Variants in ARHGAP26 observed in about 807,000 individuals in gnomAD.
The protein encoded by ARHGAP26 is Rho GTPase activating protein 26.
A neutral mutation model predicts 104.8 loss-of-function variants in ARHGAP26; 38 were observed. That is an observed-to-expected ratio of 0.36 (90% CI 0.28 to 0.48). The LOEUF is 0.48. Ranked by LOEUF, ARHGAP26 falls within the 20% of genes least tolerant of loss-of-function variation. The pLI is 0.99. For missense variants in ARHGAP26, 704 were observed against 947.9 expected (o/e 0.74, Z 3.38); for synonymous variants, 341 against 340.0 (o/e 1.00, Z -0.03).
intron 17 of ARHGAP26, among the ~76,000 whole-genome samples, chr5:143,100,130 C>T (rs1334900352): frequency 6.6e-6 from 1 of 152,064 alleles, no homozygotes; most frequent in Non-Finnish European, 1.5e-5. Context: ...CCAGGTGAGA[C>T]TAGAGCAAAT....
At chr5:142,856,938 C>T (rs1277302903) in intron 1 of ARHGAP26, among the ~76,000 whole-genome samples, 1 of 152,162 alleles carries the variant, frequency 6.6e-6, no homozygotes, top group Non-Finnish European at 1.5e-5. Context: ...TGTGTTTTCT[C>T]ACAGTTCTGG....
chr5:142,914,244 GGGCTGCTGGA>G (rs1762199756), intron 10 of ARHGAP26, among the ~76,000 whole-genome samples: 1 of 152,204 alleles, frequency 6.6e-6, no homozygotes. Context: ...CAGGCTGCTG[GGGCTGCTGGA>G]GGCTGTTAGG....
At chr5:143,112,899 T>C (rs900183987) in intron 17 of ARHGAP26, among the ~76,000 whole-genome samples, 4 of 152,240 alleles carry the variant, frequency 2.6e-5, no homozygotes, top group Non-Finnish European at 4.4e-5. Flanking sequence ...TTAACTATTG[T>C]GAATAATACT....
At chr5:143,039,223 G>T (rs1024584999) in intron 13 of ARHGAP26, among the ~76,000 whole-genome samples, 1 of 151,668 alleles carries the variant, frequency 6.6e-6, no homozygotes, top group African/African-American at 2.4e-5. Context: ...TTTTTCTTTG[G>T]AGGGGACAGA....
chr5:142,924,915 A>G (rs1289602604), intron 10 of ARHGAP26, among the ~76,000 whole-genome samples: 1 of 152,216 alleles, frequency 6.6e-6, no homozygotes, highest in African/African-American at 2.4e-5. Context: ...ATAGACAGGC[A>G]TCCTTCATTG....
chr5:142,880,047 C>A (rs537224590), intron 4 of ARHGAP26, among the ~76,000 whole-genome samples: 5 of 152,264 alleles, frequency 3.3e-5, no homozygotes, highest in African/African-American at 1.2e-4. Context: ...ACCCATTGTG[C>A]AGGTCAAAAA....
chr5:142,792,342 G>A (rs372301500), intron 1 of ARHGAP26, among the ~76,000 whole-genome samples: 67 of 152,320 alleles, frequency 4.4e-4, no homozygotes, highest in African/African-American at 1.6e-3. Flanking sequence ...TTTTAGGCTT[G>A]CTAAGTAAAA....
At chr5:143,133,899 C>A in intron 18 of ARHGAP26, 68 bp from the exon 19 acceptor site, 1 of 1,462,286 alleles carries the variant, frequency 6.8e-7, no homozygotes, top group East Asian at 2.5e-5. Flanking sequence ...TTCCGTTGTA[C>A]TGCTTCAGGC....
chr5:142,863,065 A>G (rs1397581610), intron 1 of ARHGAP26, among the ~76,000 whole-genome samples: 2 of 152,048 alleles, frequency 1.3e-5, no homozygotes, highest in African/African-American at 4.8e-5. Context: ...GAGGGATCTT[A>G]GAGCTACGGA....
At chr5:143,060,716 GACATTT>G (rs1786577688) in intron 17 of ARHGAP26, among the ~76,000 whole-genome samples, 1 of 151,950 alleles carries the variant, frequency 6.6e-6, no homozygotes, top group East Asian at 1.9e-4. Context: ...TGTTTACATT[GACATTT>G]CTGGGCTCTG....
At chr5:143,165,986 G>A in intron 20 of ARHGAP26, 1 of 1,292,996 alleles carries the variant, frequency 7.7e-7, no homozygotes, top group Non-Finnish European at 1.0e-6. Context: ...CTCAGTAAAA[G>A]TTACCTGCCG....
chr5:142,825,861 A>T (rs1197780308), intron 1 of ARHGAP26, among the ~76,000 whole-genome samples: 2 of 152,206 alleles, frequency 1.3e-5, no homozygotes, highest in Non-Finnish European at 2.9e-5. Context: ...CTCAGAACAC[A>T]GTTCTCGAAT....
Position 143,133,981 on chromosome 5 carries a change from G to T in ARHGAP26, c.1713G>T (p.Val571=). ...TTCGTTTGCAGATATTTAACACCGT[G>T]CCCGATATGCCTCTCACCAATGCCC... The part of the protein sequence containing the change: ...IENHEKIFNT[V]PDMPLTNAQL... Residue 571 remains valine (V), a synonymous_variant, in exon 19 of 23, where the codon GTG becomes GTT. Coordinates refer to ENST00000645722, the MANE Select transcript of ARHGAP26 (RefSeq NM_001135608.3). The T allele has an allele frequency of 6.2e-7, 1 of 1,610,868 alleles. No homozygotes were observed. Among genetic ancestry groups the T allele is most frequent in the South Asian group, 1.1e-5 (1 of 90,300 alleles).
intron 1 of ARHGAP26, among the ~76,000 whole-genome samples, chr5:142,822,829 A>C (rs545746220): frequency 6.6e-6 from 1 of 152,082 alleles, no homozygotes; most frequent in Non-Finnish European, 1.5e-5. Context: ...TGAAGGCTAA[A>C]CCCCATATTA....
chr5:142,793,734 T>A (rs990178833), intron 1 of ARHGAP26, among the ~76,000 whole-genome samples: 1 of 152,062 alleles, frequency 6.6e-6, no homozygotes, highest in Non-Finnish European at 1.5e-5. Context: ...ATTACAGATG[T>A]GCGCCACCAT....
intron 1 of ARHGAP26, among the ~76,000 whole-genome samples, chr5:142,831,375 G>C (rs548158951): frequency 5.3e-5 from 8 of 151,346 alleles, no homozygotes; most frequent in African/African-American, 1.9e-4. Context: ...TTTGCTCTTT[G>C]GTCTCCTTTT....
chr5:143,215,922 G>C (rs1032145064), intron 22 of ARHGAP26, among the ~76,000 whole-genome samples: 8 of 152,196 alleles, frequency 5.3e-5, no homozygotes, highest in Non-Finnish European at 1.0e-4. Context: ...GAACATGTGT[G>C]TAGGTTTTTG....
intron 17 of ARHGAP26, among the ~76,000 whole-genome samples, chr5:143,113,881 C>T (rs148675969): frequency 9.5e-4 from 144 of 152,194 alleles, no homozygotes; most frequent in African/African-American, 3.4e-3. Context: ...GCCTTTTTAG[C>T]GTAGGTTGGA....
At chr5:142,912,846 A>G (rs1762007732) in intron 9 of ARHGAP26, among the ~76,000 whole-genome samples, 1 of 152,202 alleles carries the variant, frequency 6.6e-6, no homozygotes, top group Non-Finnish European at 1.5e-5. Flanking sequence ...AGTGATGACC[A>G]ACCCAAGATC....
Sources: allele counts gnomAD v4.1 joint callset (sites outside exome capture counted in the v4.1 genomes callset), GRCh38; gene constraint gnomAD v4.1.1; transcripts MANE v1.5; gene names NCBI Gene and HGNC (gene_info 2026-07-23, HGNC 2026-07-21).